Variants in TENM2 observed in about 807,000 individuals in gnomAD.
TENM2 encodes the protein teneurin transmembrane protein 2.
In TENM2, 52 loss-of-function variants were observed where a neutral mutation model predicts 245.2. That is an observed-to-expected ratio of 0.21 (90% CI 0.17 to 0.27). TENM2 has a LOEUF of 0.27. TENM2 is among the 10% of genes least tolerant of loss of function. The probability of loss-of-function intolerance (pLI) is 1.00; values close to 1 mark genes in which losing one functional copy is unlikely to be tolerated. For missense variants in TENM2, 3,046 were observed against 3,666.8 expected (o/e 0.83, Z 4.37); for synonymous variants, 1,363 against 1,438.9 (o/e 0.95, Z 1.19).
intron 3 of TENM2, among the ~76,000 whole-genome samples, chr5:167,913,492 G>A (rs919136962): frequency 2.0e-5 from 3 of 152,156 alleles, no homozygotes; most frequent in East Asian, 1.9e-4. Flanking sequence ...AAAGCAACAT[G>A]TTCCCATTTC....
At chr5:167,391,622 CAA>C (rs56202184) in intron 2 of TENM2, among the ~76,000 whole-genome samples, 3,110 of 53,312 alleles carry the variant, frequency 0.058, 111 homozygotes, top group African/African-American at 0.18. Flanking sequence ...AAGACTTCAT[CAA>C]AAAAAAAAAA....
intron 2 of TENM2, among the ~76,000 whole-genome samples, chr5:167,471,798 C>T (rs1017549507): frequency 6.6e-6 from 1 of 152,160 alleles, no homozygotes; most frequent in South Asian, 2.1e-4. Context: ...CGTTGAAAAT[C>T]TGGAGAGGGG....
the TENM2 span, among the ~76,000 whole-genome samples, chr5:166,996,377 TCAAA>T: frequency 6.6e-6 from 1 of 151,874 alleles, no homozygotes; most frequent in Non-Finnish European, 1.5e-5. Context: ...ACAACAAAAA[TCAAA>T]CAAACGAAAA....
chr5:167,904,789 C>T (rs1257711606), intron 3 of TENM2, among the ~76,000 whole-genome samples: 5 of 152,152 alleles, frequency 3.3e-5, no homozygotes, highest in Non-Finnish European at 5.9e-5. Context: ...GGGTGACCAA[C>T]GCTGCCAGTT....
intron 7 of TENM2, among the ~76,000 whole-genome samples, chr5:168,079,406 A>G (rs1791776828): frequency 6.6e-6 from 1 of 152,114 alleles, no homozygotes; most frequent in Non-Finnish European, 1.5e-5. Context: ...TCTTTTCCTA[A>G]TTGAATGCCC....
At chr5:168,223,097 A>G (rs1053468936) in intron 23 of TENM2, among the ~76,000 whole-genome samples, 46 of 152,360 alleles carry the variant, frequency 3.0e-4, no homozygotes, top group African/African-American at 9.1e-4. Flanking sequence ...GGGGGAAGTA[A>G]GTAGAGCTGG....
chr5:167,166,266 G>T, the TENM2 span, among the ~76,000 whole-genome samples: 1 of 152,054 alleles, frequency 6.6e-6, no homozygotes, highest in Non-Finnish European at 1.5e-5. Context: ...AAACTTCCAG[G>T]TAGTAAGAAA....
At chr5:167,131,079 T>C in the TENM2 span, among the ~76,000 whole-genome samples, 3 of 152,222 alleles carry the variant, frequency 2.0e-5, no homozygotes, top group East Asian at 5.8e-4. Flanking sequence ...CAAATTTCTG[T>C]TGAATGTTTT....
At chr5:167,122,943 T>C in the TENM2 span, among the ~76,000 whole-genome samples, 1 of 152,084 alleles carries the variant, frequency 6.6e-6, no homozygotes, top group Non-Finnish European at 1.5e-5. Flanking sequence ...AGAAGTAAAC[T>C]GCAGGAAAAA....
intron 2 of TENM2, among the ~76,000 whole-genome samples, chr5:167,740,427 G>A (rs1284882562): frequency 6.6e-6 from 1 of 152,160 alleles, no homozygotes; most frequent in Non-Finnish European, 1.5e-5. Context: ...TGTGTTTTTG[G>A]ATTGTGCAGT....
chr5:167,108,369 A>G, the TENM2 span, among the ~76,000 whole-genome samples: 3 of 152,016 alleles, frequency 2.0e-5, no homozygotes, highest in Non-Finnish European at 4.4e-5. Flanking sequence ...CAGGTGATCC[A>G]CCCACCTTGG....
intron 1 of TENM2, among the ~76,000 whole-genome samples, chr5:167,310,651 A>G (rs1215010521): frequency 6.6e-6 from 1 of 152,216 alleles, no homozygotes; most frequent in Non-Finnish European, 1.5e-5. Context: ...AAAACAACAA[A>G]TAGAGTTTCA....
chr5:167,177,277 G>GA, the TENM2 span, among the ~76,000 whole-genome samples: 91 of 151,244 alleles, frequency 6.0e-4, 1 homozygote, highest in Non-Finnish European at 9.6e-4. Flanking sequence ...ATACATAAAA[G>GA]AAAAAAAAAT....
the TENM2 span, among the ~76,000 whole-genome samples, chr5:167,153,481 G>A: frequency 1.3e-5 from 2 of 152,110 alleles, no homozygotes; most frequent in South Asian, 2.1e-4. Context: ...TGAGGGGTTC[G>A]TCTTGCTGTC....
chr5:167,776,118 A>G (rs1004993069), intron 2 of TENM2, among the ~76,000 whole-genome samples: 4 of 139,120 alleles, frequency 2.9e-5, no homozygotes, highest in Admixed American at 1.5e-4. Context: ...TTACAAAATA[A>G]TATATGAATT....
chr5:167,975,098 A>T (rs1782336643), intron 4 of TENM2, among the ~76,000 whole-genome samples: 1 of 152,254 alleles, frequency 6.6e-6, no homozygotes, highest in Non-Finnish European at 1.5e-5. Context: ...CCTGCCTTTT[A>T]GTCTAACATG....
chr5:167,085,653 G>A, the TENM2 span, among the ~76,000 whole-genome samples: 1 of 152,180 alleles, frequency 6.6e-6, no homozygotes, highest in East Asian at 1.9e-4. Flanking sequence ...CACTGCAAAA[G>A]AAGTCTGATT....
intron 2 of TENM2, among the ~76,000 whole-genome samples, chr5:167,474,738 A>T (rs1451139254): frequency 6.6e-6 from 1 of 151,634 alleles, no homozygotes; most frequent in East Asian, 1.9e-4. Flanking sequence ...CTGGTCTTGA[A>T]CTCCTGACCT....
At chr5:167,118,876 G>A in the TENM2 span, among the ~76,000 whole-genome samples, 1 of 152,168 alleles carries the variant, frequency 6.6e-6, no homozygotes, top group Non-Finnish European at 1.5e-5. Context: ...AAGGACTTCA[G>A]GAAATGGTAT....
Sources: gnomAD v4.1 joint callset for allele counts (sites outside exome capture counted in the v4.1 genomes callset) on GRCh38, gnomAD v4.1.1 for gene constraint, MANE v1.5 for transcripts, NCBI Gene and HGNC (gene_info 2026-07-23, HGNC 2026-07-21) for gene names.